Variants in SAMD12 observed in about 807,000 individuals in gnomAD.
SAMD12 encodes the protein sterile alpha motif domain containing 12.
In SAMD12, 9 loss-of-function variants were observed where a neutral mutation model predicts 15.0. The ratio of observed to expected loss-of-function variants is 0.60; its 90% CI spans 0.36 to 1.05. The LOEUF (loss-of-function observed/expected upper bound fraction) is 1.05. SAMD12 is among the 50% of genes least tolerant of loss of function. The pLI, the probability that SAMD12 is intolerant of heterozygous loss-of-function variation, is 0.01. For missense variants in SAMD12, 230 were observed against 234.2 expected, an observed-to-expected ratio of 0.98 and a Z score of 0.12; for synonymous variants, 86 against 90.1, an observed-to-expected ratio of 0.96 and a Z score of 0.25.
intron 2 of SAMD12, among the ~76,000 whole-genome samples, chr8:118,493,417 T>G (rs1457366598): frequency 1.3e-5 from 2 of 152,190 alleles, no homozygotes; most frequent in African/African-American, 4.8e-5. Context: ...TTCTGTTAAA[T>G]AAAGCCCAGG....
chr8:118,267,079 T>C (rs144229983), intron 4 of SAMD12, among the ~76,000 whole-genome samples: 114 of 152,270 alleles, frequency 7.5e-4, no homozygotes, highest in Middle Eastern at 3.4e-3. Context: ...CAAAATATCA[T>C]GCTGTACTAA....
chr8:118,186,442 G>C (rs554164739), downstream of SAMD12, among the ~76,000 whole-genome samples: 31 of 152,098 alleles, frequency 2.0e-4, no homozygotes, highest in Non-Finnish European at 3.7e-4. Context: ...AATGGCACAA[G>C]ATCCACCTAT....
chr8:118,590,474 C>G (rs1221875597), intron 1 of SAMD12, among the ~76,000 whole-genome samples: 1 of 152,204 alleles, frequency 6.6e-6, no homozygotes, highest in East Asian at 1.9e-4. Flanking sequence ...GAGAGGTGAG[C>G]CTTCCTTCCT....
chr8:118,307,688 A>C (rs1815414372), intron 4 of SAMD12, among the ~76,000 whole-genome samples: 1 of 152,238 alleles, frequency 6.6e-6, no homozygotes, highest in African/African-American at 2.4e-5. Flanking sequence ...TAAAGTTACA[A>C]TGCAGCTTCA....
intron 4 of SAMD12, among the ~76,000 whole-genome samples, chr8:118,346,100 G>T (rs1157982768): frequency 1.3e-5 from 2 of 152,118 alleles, no homozygotes; most frequent in African/African-American, 2.4e-5. Context: ...GATGTCACAG[G>T]CTCCGGCATG....
At chr8:118,540,925 T>C (rs1439843285) in intron 2 of SAMD12, among the ~76,000 whole-genome samples, 1 of 152,258 alleles carries the variant, frequency 6.6e-6, no homozygotes, top group East Asian at 1.9e-4. Flanking sequence ...GAGGTGGACA[T>C]GTGACCTGAG....
chr8:118,483,660 C>T (rs779160386), intron 2 of SAMD12, among the ~76,000 whole-genome samples: 2 of 152,088 alleles, frequency 1.3e-5, no homozygotes, highest in Admixed American at 6.6e-5. Flanking sequence ...TTTATATAAT[C>T]GAAAAATTCT....
intron 4 of SAMD12, among the ~76,000 whole-genome samples, chr8:118,331,569 G>A (rs989053341): frequency 6.6e-6 from 1 of 152,202 alleles, no homozygotes; most frequent in Non-Finnish European, 1.5e-5. Flanking sequence ...GCTGTCCATA[G>A]TAAGTGAAGG....
intron 2 of SAMD12, among the ~76,000 whole-genome samples, chr8:118,442,912 C>G (rs1360385399): frequency 1.3e-5 from 2 of 152,284 alleles, no homozygotes; most frequent in Admixed American, 6.5e-5. Flanking sequence ...CTTTAACTTG[C>G]TCATATCCTG....
chr8:118,299,381 A>G (rs1325140661), intron 4 of SAMD12, among the ~76,000 whole-genome samples: 5 of 152,172 alleles, frequency 3.3e-5, no homozygotes, highest in Non-Finnish European at 7.4e-5. Context: ...AGGAACAGGG[A>G]TTATCTGGCA....
At chr8:118,408,185 C>T (rs10086502) in intron 3 of SAMD12, among the ~76,000 whole-genome samples, 52,258 of 151,978 alleles carry the variant, frequency 0.34, 9,648 homozygotes, top group African/African-American at 0.41. Flanking sequence ...TATCCTCAAA[C>T]TCAGTGCCCC....
At chr8:118,170,750 C>A in the SAMD12 span, among the ~76,000 whole-genome samples, 6 of 152,024 alleles carry the variant, frequency 3.9e-5, no homozygotes, top group East Asian at 1.2e-3. Context: ...TAAGAGTAAA[C>A]CTTTGTGACC....
chr8:118,179,433 G>T, the SAMD12 span, among the ~76,000 whole-genome samples: 1 of 137,488 alleles, frequency 7.3e-6, no homozygotes, highest in Non-Finnish European at 1.5e-5. Context: ...GTGAAACTCC[G>T]TCTCCGAAAA....
intron 2 of SAMD12, among the ~76,000 whole-genome samples, chr8:118,470,640 T>C (rs954671150): frequency 2.0e-5 from 3 of 152,210 alleles, no homozygotes; most frequent in Non-Finnish European, 4.4e-5. Flanking sequence ...TATAAAGCAC[T>C]ATCCAAATGC....
chr8:118,147,997 G>A, the SAMD12 span, among the ~76,000 whole-genome samples: 2 of 150,832 alleles, frequency 1.3e-5, no homozygotes, highest in East Asian at 2.0e-4. Flanking sequence ...GTGTGATTTC[G>A]TCTCACTGCA....
At chr8:118,178,178 C>T in the SAMD12 span, among the ~76,000 whole-genome samples, 1 of 152,166 alleles carries the variant, frequency 6.6e-6, no homozygotes, top group African/African-American at 2.4e-5. Context: ...CTAGAGTTAA[C>T]AAGCGTAAGC....
intron 4 of SAMD12, among the ~76,000 whole-genome samples, chr8:118,206,803 A>G (rs1342708748): frequency 6.6e-6 from 1 of 152,178 alleles, no homozygotes; most frequent in Non-Finnish European, 1.5e-5. Flanking sequence ...TTGAATTCAT[A>G]ATAATGTTGC....
At chr8:118,287,112 A>G (rs1814068822) in intron 4 of SAMD12, among the ~76,000 whole-genome samples, 1 of 148,498 alleles carries the variant, frequency 6.7e-6, no homozygotes, top group South Asian at 2.2e-4. Flanking sequence ...GAAACTGAGT[A>G]AGGAAGAATA....
At chr8:118,617,974 C>T (rs1358057485) in intron 1 of SAMD12, among the ~76,000 whole-genome samples, 1 of 151,960 alleles carries the variant, frequency 6.6e-6, no homozygotes, top group African/African-American at 2.4e-5. Flanking sequence ...CTACCTCCTT[C>T]CAAGAGGTCC....
Sources: allele counts gnomAD v4.1 joint callset (sites outside exome capture counted in the v4.1 genomes callset), GRCh38; gene constraint gnomAD v4.1.1; transcripts MANE v1.5; gene names NCBI Gene and HGNC (gene_info 2026-07-23, HGNC 2026-07-21).